SYT16: variants seen among roughly 807,000 people sequenced by gnomAD.
SYT16 encodes synaptotagmin 16.
Under a neutral mutation model 61.4 loss-of-function variants are expected in SYT16, and 42 were observed. The ratio of observed to expected loss-of-function variants is 0.68; its 90% CI spans 0.53 to 0.89. The LOEUF (loss-of-function observed/expected upper bound fraction) is 0.89, where lower values mean the gene tolerates loss of function less well. SYT16 is among the 40% of genes least tolerant of loss of function. The pLI is 0.00. For synonymous variants in SYT16, 314 were observed against 302.3 expected, an observed-to-expected ratio of 1.04 and a Z score of -0.40; for missense variants, 804 against 807.3, an observed-to-expected ratio of 1.00 and a Z score of 0.05.
chr14:62,068,337 C>T (rs2056148577), intron 3 of SYT16, among the ~76,000 whole-genome samples: 1 of 151,532 alleles, frequency 6.6e-6, no homozygotes, highest in Admixed American at 6.6e-5. Flanking sequence ...AGGCATAGTG[C>T]ATCATTTCAC....
intron 1 of SYT16, among the ~76,000 whole-genome samples, chr14:61,822,214 C>T (rs565539301): frequency 3.4e-4 from 52 of 152,310 alleles, no homozygotes; most frequent in African/African-American, 1.2e-3. Flanking sequence ...TCCAACAATC[C>T]AAAAGCTGAA....
intron 1 of SYT16, among the ~76,000 whole-genome samples, chr14:61,934,959 C>T (rs1318732427): frequency 6.6e-6 from 1 of 152,088 alleles, no homozygotes; most frequent in Non-Finnish European, 1.5e-5. Flanking sequence ...AGAGTATTTT[C>T]ATTCCTTCTT....
intron 1 of SYT16, among the ~76,000 whole-genome samples, chr14:61,931,713 G>C (rs1330055961): frequency 6.6e-6 from 1 of 151,894 alleles, no homozygotes; most frequent in African/African-American, 2.4e-5. Context: ...TATCTTTGCT[G>C]TATCCGTGTG....
intron 3 of SYT16, among the ~76,000 whole-genome samples, chr14:62,000,265 G>A (rs188021577): frequency 1.5e-4 from 22 of 151,458 alleles, no homozygotes; most frequent in Non-Finnish European, 3.0e-4. Context: ...GTACGTACAT[G>A]TATTAGAAAT....
At position 62,103,939 on chromosome 14, in the gene SYT16, G is replaced by A. The variant is rs1176079634; in HGVS notation, c.*3232G>A. 1 of 152,214 alleles carries A rather than the reference G, an allele frequency of 6.6e-6. No individual in the cohort carries two copies. Among genetic ancestry groups the A allele is most frequent in the Non-Finnish European group, 1.5e-5 (1 of 68,044 alleles). The allele number at this position is 152,214 out of a possible 1,614,324, so 9.4% of individuals were successfully genotyped here. On this transcript the variant is annotated 3_prime_UTR_variant, in exon 8 of 8. Coordinates refer to ENST00000683842, the MANE Select transcript of SYT16 (RefSeq NM_001367656.1). ...ATATTCTCCATAGTCCTAGGTGCCA[G>A]TGAGCCTGAAACACAGCTTCTGCCT...
intron 3 of SYT16, among the ~76,000 whole-genome samples, chr14:62,055,280 G>T (rs1008289350): frequency 3.3e-5 from 5 of 152,194 alleles, no homozygotes; most frequent in Admixed American, 1.3e-4. Context: ...CCTTATAGGA[G>T]GCATACAAAT....
chr14:61,969,445 T>G (rs986504363), intron 1 of SYT16, among the ~76,000 whole-genome samples: 4 of 152,116 alleles, frequency 2.6e-5, no homozygotes, highest in African/African-American at 7.2e-5. Flanking sequence ...GCAGGTCAGT[T>G]AAAGGGCAGA....
intron 3 of SYT16, among the ~76,000 whole-genome samples, chr14:62,003,140 C>T (rs896663631): frequency 6.6e-6 from 1 of 152,098 alleles, no homozygotes; most frequent in African/African-American, 2.4e-5. Context: ...GCTACCCTTC[C>T]CCAAGTGGCC....
At chr14:61,823,119 A>C (rs2045664167) in intron 1 of SYT16, among the ~76,000 whole-genome samples, 1 of 151,838 alleles carries the variant, frequency 6.6e-6, no homozygotes, top group African/African-American at 2.4e-5. Context: ...CAGCCTCCTG[A>C]GTAGTTGGAA....
chr14:61,982,193 T>C (rs982840796), intron 2 of SYT16, among the ~76,000 whole-genome samples: 3 of 152,176 alleles, frequency 2.0e-5, no homozygotes, highest in Admixed American at 6.6e-5. Flanking sequence ...TCAGTAAACC[T>C]TGGTAGTCCA....
At chr14:62,096,407 T>C (rs1200680551) in intron 7 of SYT16, among the ~76,000 whole-genome samples, 2 of 152,040 alleles carry the variant, frequency 1.3e-5, no homozygotes, top group Non-Finnish European at 2.9e-5. Context: ...GAGAAAAACG[T>C]TCACTGAAAT....
At chr14:62,083,396 C>T (rs970352658) in intron 6 of SYT16, among the ~76,000 whole-genome samples, 4 of 152,234 alleles carry the variant, frequency 2.6e-5, no homozygotes, top group Admixed American at 6.5e-5. Context: ...TTCCTACTCC[C>T]GTGCCTTGAG....
chr14:62,090,771 C>A (rs1190029182), intron 7 of SYT16, among the ~76,000 whole-genome samples: 1 of 152,086 alleles, frequency 6.6e-6, no homozygotes, highest in African/African-American at 2.4e-5. Context: ...AAGACGTACC[C>A]AAGACTGAGT....
chr14:61,861,631 C>T (rs1483597663), intron 1 of SYT16, among the ~76,000 whole-genome samples: 1 of 152,152 alleles, frequency 6.6e-6, no homozygotes, highest in Non-Finnish European at 1.5e-5. Context: ...TCTCGAATTC[C>T]TGGGCTCAAG....
chr14:61,947,614 A>G (rs2050498251), intron 1 of SYT16, among the ~76,000 whole-genome samples: 1 of 152,172 alleles, frequency 6.6e-6, no homozygotes, highest in South Asian at 2.1e-4. Flanking sequence ...GCAAAATGTA[A>G]TCCTGGAGGT....
chr14:61,813,903 C>T (rs72716734), intron 1 of SYT16, among the ~76,000 whole-genome samples: 14,160 of 149,646 alleles, frequency 0.095, 718 homozygotes, highest in Non-Finnish European at 0.11. Context: ...TGTAAACAAT[C>T]ATCCCAGCCA....
At chr14:61,980,960 T>TTGTGTGTGTGTGTGTGTTTG (rs3081455) in intron 2 of SYT16, among the ~76,000 whole-genome samples, 1 of 149,006 alleles carries the variant, frequency 6.7e-6, no homozygotes, top group African/African-American at 2.5e-5. Flanking sequence ...GTGTGTGTGT[T>TTGTGTGTGTGTGTGTGTTTG]TGTGTGTGTG....
chr14:62,056,757 G>C (rs2055574804), intron 3 of SYT16, among the ~76,000 whole-genome samples: 1 of 152,140 alleles, frequency 6.6e-6, no homozygotes, highest in Admixed American at 6.5e-5. Context: ...TTTCTACTCT[G>C]TGCACCTGAA....
At chr14:61,882,227 CAA>C (rs1323085325) in intron 1 of SYT16, among the ~76,000 whole-genome samples, 5 of 151,972 alleles carry the variant, frequency 3.3e-5, no homozygotes, top group African/African-American at 4.8e-5. Context: ...GGATAATAAA[CAA>C]GAGAGTACAG....
Sources: gnomAD v4.1 joint callset for allele counts (sites outside exome capture counted in the v4.1 genomes callset) on GRCh38, gnomAD v4.1.1 for gene constraint, MANE v1.5 for transcripts, NCBI Gene and HGNC (gene_info 2026-07-23, HGNC 2026-07-21) for gene names.